The following PTPRB variants were observed in gnomAD, a reference collection of about 807,000 sequenced individuals.
PTPRB encodes the protein protein tyrosine phosphatase receptor type B, also known as receptor-type tyrosine-protein phosphatase beta.
Under a neutral mutation model 238.1 loss-of-function variants are expected in PTPRB, and 97 were observed. That is an observed-to-expected ratio of 0.41 (90% CI 0.35 to 0.48). PTPRB has a LOEUF of 0.48. Ranked by LOEUF, PTPRB falls within the 20% of genes least tolerant of loss-of-function variation. The pLI is 0.30. For synonymous variants in PTPRB, 970 were observed against 995.4 expected, an observed-to-expected ratio of 0.97 and a Z score of 0.48; for missense variants, 2,292 against 2,681.9, an observed-to-expected ratio of 0.85 and a Z score of 3.21.
chr12:70,576,679 G>GGGGGGT (rs1555230214), intron 10 of PTPRB, 34 bp from the exon 11 acceptor site: 36 of 221,870 alleles, frequency 1.6e-4, no homozygotes, highest in Non-Finnish European at 2.2e-4. Context: ...CGGGGGGGGG[G>GGGGGGT]GGGAAGGGGG....
In PTPRB at chr12:70,539,951, A is replaced by G. The variant is rs1273582609; in HGVS notation, c.5666T>C (p.Leu1889Pro). 2.5e-6 allele frequency: 4 copies of G among 1,610,648 alleles called. No homozygotes were observed. Among genetic ancestry groups the G allele is most frequent in the Non-Finnish European group, 3.4e-6 (4 of 1,176,920 alleles). Residue 1889 changes from leucine to proline, a missense_variant, in exon 24 of 34, where the codon CTG (leucine) becomes CCG (proline). Physicochemically the swap from Leu to Pro is moderately conservative, Grantham distance 98. This residue lies in a region of PTPRB where 397 missense variants were observed against 502.0 expected (regional missense o/e 0.79). Coordinates refer to ENST00000334414, the MANE Select transcript of PTPRB (RefSeq NM_001109754.4). ...ATGTGGTGCTTACCCTTTCTGGCCC[A>G]GGTTTAAGTGGACAGATAATGGTCG... ...RDRPLSVHLN[L>P]GQKGNRKTSC...
chr12:70,545,481 A>C (rs1875820919), intron 21 of PTPRB, among the ~76,000 whole-genome samples: 1 of 152,372 alleles, frequency 6.6e-6, no homozygotes, highest in South Asian at 2.1e-4. Flanking sequence ...AAAGAGATGT[A>C]TGGTCACTAG....
intron 3 of PTPRB, among the ~76,000 whole-genome samples, chr12:70,611,971 A>T (rs1333177696): frequency 6.6e-6 from 1 of 152,158 alleles, no homozygotes. Context: ...CTCAGCCTTT[A>T]TAGGAGCCTT....
Position 70,569,698 on chromosome 12 carries a change from T to C in PTPRB, c.3611A>G (p.Gln1204Arg). ...IASVSGSLKN[Q>R]INVVGRTVPA... Reference sequence around the variant, plus strand: ...ACCTGTCCGCCCAACCACATTTATCTGATTCTTCAGGGACCCGCTGACTGA... The same window carrying C: ...ACCTGTCCGCCCAACCACATTTATCCGATTCTTCAGGGACCCGCTGACTGA... Residue 1204 changes from glutamine (Q) to arginine (R), a missense_variant, in exon 14 of 34, where the codon CAG becomes CGG. Gln to Arg is a conservative substitution (Grantham distance 43). Around this residue, in one of 4 missense-constraint regions of PTPRB, gnomAD observed 683 missense variants for 862.0 expected, o/e 0.79. Coordinates refer to ENST00000334414, the MANE Select transcript of PTPRB (RefSeq NM_001109754.4). 2 of 1,613,924 alleles carry C rather than the reference T, an allele frequency of 1.2e-6. No homozygotes were observed. Among genetic ancestry groups the C allele is most frequent in the Non-Finnish European group, 1.7e-6 (2 of 1,179,876 alleles).
intron 4 of PTPRB, among the ~76,000 whole-genome samples, chr12:70,602,493 G>C (rs1351966800): frequency 1.3e-5 from 2 of 152,152 alleles, no homozygotes; most frequent in African/African-American, 4.8e-5. Context: ...AAATTCATGA[G>C]CTGTCACTTG....
At chr12:70,547,117 C>G (rs1876099979) in intron 21 of PTPRB, among the ~76,000 whole-genome samples, 1 of 151,570 alleles carries the variant, frequency 6.6e-6, no homozygotes, top group South Asian at 2.1e-4. Flanking sequence ...GCAAATTGTT[C>G]TGACCCTGCT....
At chr12:70,607,770 C>G (rs1326184758) in intron 4 of PTPRB, among the ~76,000 whole-genome samples, 9 of 151,868 alleles carry the variant, frequency 5.9e-5, no homozygotes, top group Non-Finnish European at 1.2e-4. Flanking sequence ...CCAAGGTGGT[C>G]TTGAACTCCT....
chr12:70,516,879 A>G lies in PTPRB; in HGVS notation c.*4610T>C, dbSNP rs1335430667. ...CAGAGCATTCACCAACAATTTCTTT[A>G]TTTAATAAGTGTATCTTATATAGAC... On this transcript the variant is annotated 3_prime_UTR_variant, in exon 34 of 34. Coordinates refer to ENST00000334414, the MANE Select transcript of PTPRB (RefSeq NM_001109754.4). 1 of 152,196 alleles carries G rather than the reference A, an allele frequency of 6.6e-6. No individual in the cohort carries two copies. The highest frequency in any genetic ancestry group is 1.5e-5 in the Non-Finnish European group (1 of 68,022). 9.4% of individuals were successfully genotyped at this position (152,196 alleles called of 1,614,324 possible).
chr12:70,566,966 G>T (rs1879385797), intron 14 of PTPRB, among the ~76,000 whole-genome samples: 1 of 152,142 alleles, frequency 6.6e-6, no homozygotes, highest in African/African-American at 2.4e-5. Flanking sequence ...AGTGAAAATG[G>T]CCCTGATAAA....
At chr12:70,529,826 G>C (rs1018151976) in intron 32 of PTPRB, among the ~76,000 whole-genome samples, 2 of 152,142 alleles carry the variant, frequency 1.3e-5, no homozygotes, top group Admixed American at 1.3e-4. Context: ...AGCGCTGAAA[G>C]AGAGACAGAC....
intron 32 of PTPRB, among the ~76,000 whole-genome samples, chr12:70,530,612 G>A (rs1873095019): frequency 6.6e-6 from 1 of 152,176 alleles, no homozygotes; most frequent in African/African-American, 2.4e-5. Flanking sequence ...GTGGGATAAG[G>A]TCATGGGGTA....
chr12:70,586,725 T>C (rs914140721), intron 9 of PTPRB, among the ~76,000 whole-genome samples: 2 of 152,232 alleles, frequency 1.3e-5, no homozygotes, highest in Non-Finnish European at 2.9e-5. Context: ...CTCTTCTAGA[T>C]GCTGCCCTAT....
intron 2 of PTPRB, among the ~76,000 whole-genome samples, chr12:70,633,939 TATA>T (rs918200107): frequency 2.6e-5 from 4 of 152,178 alleles, no homozygotes; most frequent in African/African-American, 9.7e-5. Flanking sequence ...ATGGAACAGT[TATA>T]ATGTTTCTAT....
chr12:70,531,317 T>A (rs1429857342), intron 32 of PTPRB, among the ~76,000 whole-genome samples: 1 of 152,056 alleles, frequency 6.6e-6, no homozygotes, highest in Admixed American at 6.5e-5. Context: ...TTTTTTTTTT[T>A]AATACAGAGG....
intron 4 of PTPRB, among the ~76,000 whole-genome samples, chr12:70,608,347 G>A (rs1471380633): frequency 6.6e-6 from 1 of 152,012 alleles, no homozygotes; most frequent in East Asian, 1.9e-4. Flanking sequence ...CCATACCTAA[G>A]TGTTGAGCAC....
chr12:70,570,406 G>A (rs1235244727), intron 13 of PTPRB, among the ~76,000 whole-genome samples: 1 of 152,092 alleles, frequency 6.6e-6, no homozygotes, highest in East Asian at 1.9e-4. Context: ...GAGTGCAATG[G>A]CATGATTATG....
intron 9 of PTPRB, among the ~76,000 whole-genome samples, chr12:70,582,354 A>C (rs1021616372): frequency 6.6e-6 from 1 of 152,192 alleles, no homozygotes; most frequent in Non-Finnish European, 1.5e-5. Flanking sequence ...AAAGGCAAAC[A>C]GCTACAGTGG....
At chr12:70,565,310 C>G (rs1201814979) in intron 15 of PTPRB, among the ~76,000 whole-genome samples, 4 of 152,214 alleles carry the variant, frequency 2.6e-5, no homozygotes, top group Non-Finnish European at 4.4e-5. Flanking sequence ...TAATTTGGCT[C>G]CAATCTGGCT....
chr12:70,564,875 ATAATAAT>A (rs1879068758), intron 15 of PTPRB, among the ~76,000 whole-genome samples: 1 of 84,030 alleles, frequency 1.2e-5, no homozygotes, highest in Non-Finnish European at 2.5e-5. Flanking sequence ...AATAATAATA[ATAATAAT>A]AATAATAAAT....
Sources: gnomAD v4.1 joint callset for allele counts (sites outside exome capture counted in the v4.1 genomes callset) on GRCh38, gnomAD v4.1.1 for gene constraint, gnomAD v4.1.1 regional missense constraint, MANE v1.5 for transcripts, NCBI Gene and HGNC (gene_info 2026-07-23, HGNC 2026-07-21) for gene names.